ANKFN1: variants seen among roughly 807,000 people sequenced by gnomAD.
The protein encoded by ANKFN1 is ankyrin repeat and fibronectin type-III domain-containing protein 1.
A neutral mutation model predicts 108.7 loss-of-function variants in ANKFN1; 74 were observed. The observed-to-expected ratio is 0.68, with a 90% CI of 0.56 to 0.83. ANKFN1 has a LOEUF of 0.83. ANKFN1 is among the 40% of genes least tolerant of loss of function. The pLI, the probability that ANKFN1 is intolerant of heterozygous loss-of-function variation, is 0.00. For synonymous variants in ANKFN1, 547 were observed against 516.2 expected (o/e 1.06, Z -0.81); for missense variants, 1,505 against 1,382.3 (o/e 1.09, Z -1.41).
intron 6 of ANKFN1, among the ~76,000 whole-genome samples, chr17:56,358,019 T>C (rs2046419327): frequency 1.3e-5 from 2 of 152,168 alleles, no homozygotes; most frequent in South Asian, 4.1e-4. Flanking sequence ...TCTGTATTAA[T>C]TGCCTTGGTG....
At chr17:56,367,707 C>T (rs2046697741) in intron 6 of ANKFN1, among the ~76,000 whole-genome samples, 1 of 152,094 alleles carries the variant, frequency 6.6e-6, no homozygotes, top group African/African-American at 2.4e-5. Flanking sequence ...AAGACCAAAC[C>T]TTGCAGAGAT....
intron 3 of ANKFN1, among the ~76,000 whole-genome samples, chr17:56,233,298 T>A (rs1364820004): frequency 6.6e-6 from 1 of 152,112 alleles, no homozygotes; most frequent in Non-Finnish European, 1.5e-5. Flanking sequence ...AAAATGCTAG[T>A]GTGATCTGAA....
intron 4 of ANKFN1, among the ~76,000 whole-genome samples, chr17:56,100,203 G>T (rs1016817782): frequency 1.3e-5 from 2 of 152,206 alleles, no homozygotes; most frequent in African/African-American, 4.8e-5. Context: ...CAAGTATTCT[G>T]TATCTGTCCC....
intron 4 of ANKFN1, among the ~76,000 whole-genome samples, chr17:56,074,246 C>A (rs1229543141): frequency 6.6e-6 from 1 of 152,188 alleles, no homozygotes; most frequent in Non-Finnish European, 1.5e-5. Flanking sequence ...CCTCTCATCT[C>A]CTGTAGGCAT....
intron 8 of ANKFN1, among the ~76,000 whole-genome samples, chr17:56,379,401 G>T (rs367939799): frequency 1.1e-5 from 1 of 90,666 alleles, no homozygotes. Flanking sequence ...TCCATCTCAA[G>T]AAAAAAAAAA....
intron 4 of ANKFN1, among the ~76,000 whole-genome samples, chr17:56,081,485 T>G (rs941390354): frequency 2.0e-5 from 3 of 152,118 alleles, no homozygotes; most frequent in African/African-American, 4.8e-5. Context: ...CCAGAGTGGC[T>G]GGGACTACAG....
intron 10 of ANKFN1, among the ~76,000 whole-genome samples, chr17:56,443,729 T>C (rs1200944616): frequency 6.6e-6 from 1 of 152,254 alleles, no homozygotes; most frequent in Non-Finnish European, 1.5e-5. Context: ...ATTAATTGTC[T>C]ATGCCAGGTA....
At chr17:56,469,856 A>G (rs1386391430) in intron 15 of ANKFN1, among the ~76,000 whole-genome samples, 1 of 151,554 alleles carries the variant, frequency 6.6e-6, no homozygotes, top group Non-Finnish European at 1.5e-5. Flanking sequence ...TTGGTGTGCC[A>G]TGGTGATCTG....
intron 3 of ANKFN1, among the ~76,000 whole-genome samples, chr17:56,321,722 T>C (rs2045373408): frequency 6.6e-6 from 1 of 152,196 alleles, no homozygotes; most frequent in Non-Finnish European, 1.5e-5. Context: ...ACATCATATG[T>C]CACAAATCAG....
chr17:56,270,545 G>A (rs116311228), intron 3 of ANKFN1, among the ~76,000 whole-genome samples: 158 of 152,262 alleles, frequency 1.0e-3, no homozygotes, highest in Middle Eastern at 3.4e-3. Flanking sequence ...GTGGCTCTGC[G>A]TCCACTCTTG....
intron 8 of ANKFN1, among the ~76,000 whole-genome samples, chr17:56,422,936 C>A (rs1352278918): frequency 6.6e-6 from 1 of 152,136 alleles, no homozygotes; most frequent in Non-Finnish European, 1.5e-5. Context: ...CCTGGTGCTG[C>A]CCTAGGAGGG....
At chr17:56,455,747 A>T (rs1386452978) in intron 11 of ANKFN1, among the ~76,000 whole-genome samples, 1 of 152,232 alleles carries the variant, frequency 6.6e-6, no homozygotes, top group Non-Finnish European at 1.5e-5. Flanking sequence ...GCTCCATGTT[A>T]TAAGCAGAAG....
At position 56,466,571 on chromosome 17, in the gene ANKFN1, G is replaced by A. The variant is rs1464958309; in HGVS notation, c.1773G>A (p.Gln591=). The A allele has an allele frequency of 4.4e-6, 7 of 1,601,512 alleles. No homozygotes were observed. Among genetic ancestry groups the A allele is most frequent in the Non-Finnish European group, 5.1e-6 (6 of 1,173,506 alleles). ...TALDILLITI[Q]DILSYHKRSH... is the part of the protein sequence containing the mutation. ...TAGACATTCTACTGATAACCATCCAGGTATGTAGTTTTTTTCTTAATTCCC... is the reference window on the plus strand; with the variant it reads ...TAGACATTCTACTGATAACCATCCAAGTATGTAGTTTTTTTCTTAATTCCC... The change falls in exon 15 of 21, where the codon CAG becomes CAA. Residue 591 remains glutamine, a splice_region_variant and synonymous_variant. Transcript: ENST00000682825.
In ANKFN1 at chr17:56,477,479, AC is replaced by A. The variant is rs759246143; in HGVS notation, c.1774-6del. ...TGTTTTCTTTTTTTTTTTTTTTTTA[AC>A]CCTACAGGATATTCTATCCTATCAC... On this transcript the variant is annotated splice_region_variant and splice_polypyrimidine_tract_variant and intron_variant, in intron 15 of 20. Coordinates refer to ENST00000682825, the MANE Select transcript of ANKFN1 (RefSeq NM_001370326.1). The A allele has an allele frequency of 2.8e-6, 4 of 1,451,524 alleles. No homozygotes were observed. The Admixed American group carries it at 1.0e-4, about 37-fold the overall frequency. 89.9% of individuals were successfully genotyped at this position (1,451,524 alleles called of 1,614,324 possible).
chr17:56,460,310 G>T (rs1389394064), intron 14 of ANKFN1, among the ~76,000 whole-genome samples: 1 of 152,066 alleles, frequency 6.6e-6, no homozygotes. Context: ...AAAATTAGCT[G>T]GATGTGGTGG....
chr17:56,374,671 A>T lies in ANKFN1; in HGVS notation c.867A>T (p.Gln289His). Residue 289 changes from glutamine (Q) to histidine (H), a missense_variant, in exon 8 of 21, where the codon CAA (glutamine) becomes CAT (histidine). Coordinates refer to ENST00000682825, the MANE Select transcript of ANKFN1 (RefSeq NM_001370326.1). ...TSSTSLTVSF[Q>H]EPLSVNAAVV... ...GCACATCACTCACTGTCAGCTTCCA[A>T]GAGCCTCTTAGCGTCAATGCAGCTG... 1 of 1,613,964 alleles carries T rather than the reference A, an allele frequency of 6.2e-7. No homozygotes were observed. Among genetic ancestry groups the T allele is most frequent in the Non-Finnish European group, 8.5e-7 (1 of 1,179,854 alleles).
intron 16 of ANKFN1, 41 bp from the exon 17 acceptor site, chr17:56,480,627 C>T: frequency 6.2e-7 from 1 of 1,605,552 alleles, no homozygotes; most frequent in Non-Finnish European, 8.5e-7. Flanking sequence ...GTGTTCTGAA[C>T]TTTTGTTATA....
intron 4 of ANKFN1, among the ~76,000 whole-genome samples, chr17:56,050,127 T>C (rs1217082740): frequency 6.6e-6 from 1 of 151,830 alleles, no homozygotes; most frequent in African/African-American, 2.4e-5. Flanking sequence ...TTGATTTGCA[T>C]TTCTCTGGTG....
chr17:56,058,833 A>G (rs954707918), intron 4 of ANKFN1, among the ~76,000 whole-genome samples: 1 of 152,080 alleles, frequency 6.6e-6, no homozygotes, highest in African/African-American at 2.4e-5. Flanking sequence ...CCAGTCTATC[A>G]TTGATGGGCA....
Sources: gnomAD v4.1 joint callset for allele counts (sites outside exome capture counted in the v4.1 genomes callset) on GRCh38, gnomAD v4.1.1 for gene constraint, MANE v1.5 for transcripts, NCBI Gene and HGNC (gene_info 2026-07-23, HGNC 2026-07-21) for gene names.